Variants in FLNB observed in about 807,000 individuals in gnomAD.
FLNB encodes filamin B.
FLNB carries 111 observed loss-of-function variants against 250.6 expected under a neutral mutation model. The observed-to-expected ratio is 0.44, with a 90% CI of 0.38 to 0.52. The LOEUF is 0.52. Ranked by LOEUF, FLNB falls within the 20% of genes least tolerant of loss-of-function variation. FLNB has a pLI of 0.00. For synonymous variants in FLNB, 1,302 were observed against 1,372.1 expected (o/e 0.95, Z 1.13); for missense variants, 2,869 against 3,447.8 (o/e 0.83, Z 4.20).
chr3:58,113,473 G>C (rs1428231441), intron 18 of FLNB, among the ~76,000 whole-genome samples: 1 of 152,208 alleles, frequency 6.6e-6, no homozygotes, highest in Non-Finnish European at 1.5e-5. Context: ...GGGGAAGAAA[G>C]AGGATTATAG....
In FLNB at chr3:58,070,556, G is replaced by A. The variant is rs2097192717; in HGVS notation, c.293-6490G>A. On this transcript the variant is annotated intron_variant, in intron 1 of 45. Coordinates refer to ENST00000295956, the MANE Select transcript of FLNB (RefSeq NM_001457.4). Reference sequence around the variant, plus strand: ...GGTGGTAGAGATGAGGGGGCAGAGTGCACAGTGCATGGCATCCTGTTCCCC... The same window carrying A: ...GGTGGTAGAGATGAGGGGGCAGAGTACACAGTGCATGGCATCCTGTTCCCC... 2.6e-5 allele frequency among the ~76,000 whole-genome samples: 4 copies of A among 152,088 alleles called. No individual in the cohort carries two copies. In the South Asian group the frequency reaches 8.3e-4, roughly 32 times the overall value.
rs2097288350 is a variant in FLNB at position 58,121,283 on chromosome 3, G to C, written c.2906G>C (p.Arg969Thr). Residue 969 changes from arginine to threonine, a missense_variant, in exon 20 of 46, where the codon AGG becomes ACG. By Grantham distance (71) the Arg-to-Thr change is moderately conservative. This residue lies in a region of FLNB where 1,348 missense variants were observed against 1,466.7 expected (regional missense o/e 0.92). Transcript: ENST00000295956. The part of the protein sequence containing the change: ...GKDQEFTVDT[R>T]GAGGQGKLDV... The stretch of plus-strand genomic sequence containing the variant: ...GATCAGGAGTTCACCGTTGATACCA[G>C]GGGGGCAGGAGGCCAGGGGAAGCTG... 1.2e-6 allele frequency: 2 copies of C among 1,614,036 alleles called. No homozygotes were observed. The highest frequency in any genetic ancestry group is 1.3e-5 in the African/African-American group (1 of 74,910).
chr3:58,160,576 C>T (rs2097359773), intron 42 of FLNB, among the ~76,000 whole-genome samples: 1 of 152,156 alleles, frequency 6.6e-6, no homozygotes, highest in Admixed American at 6.6e-5. Context: ...TCGGTGAGTT[C>T]AGGAGGGCTT....
chr3:58,091,543 C>T (rs1413835498), intron 4 of FLNB, among the ~76,000 whole-genome samples: 2 of 151,824 alleles, frequency 1.3e-5, no homozygotes, highest in Middle Eastern at 3.2e-3. Flanking sequence ...AACTATAAAA[C>T]TTTGAGAAAA....
intron 1 of FLNB, among the ~76,000 whole-genome samples, chr3:58,012,752 A>C (rs1256734124): frequency 1.3e-5 from 2 of 152,178 alleles, no homozygotes; most frequent in African/African-American, 4.8e-5. Context: ...GAGATTTCCT[A>C]CTACCCAATG....
chr3:58,105,367 T>C (rs2097257948), intron 11 of FLNB, 151 bp downstream of exon 11: 3 of 957,742 alleles, frequency 3.1e-6, no homozygotes, highest in Non-Finnish European at 4.9e-6. Flanking sequence ...TGCGTGCTGC[T>C]GTACATTTGC....
chr3:58,144,085 C>G (rs1433766615), intron 32 of FLNB, among the ~76,000 whole-genome samples: 1 of 152,164 alleles, frequency 6.6e-6, no homozygotes, highest in Non-Finnish European at 1.5e-5. Flanking sequence ...GTCACCAGTT[C>G]ATTCTTTCTT....
intron 4 of FLNB, among the ~76,000 whole-genome samples, chr3:58,089,669 A>G (rs2097223054): frequency 6.6e-6 from 1 of 152,250 alleles, no homozygotes; most frequent in African/African-American, 2.4e-5. Flanking sequence ...TTAGGAGATA[A>G]AAAGAACCAA....
rs574434625 is a variant in FLNB at position 58,047,676 on chromosome 3, C to T, written c.293-29370C>T. On this transcript the variant is annotated intron_variant, in intron 1 of 45. Transcript: ENST00000295956. ...GCATCCTCTGCCTCCTGGGTTCAAG[C>T]GATTCTCCTGCCTTAGTCTCCTGAG... 1.1e-3 allele frequency among the ~76,000 whole-genome samples: 164 copies of T among 151,944 alleles called. 8 individuals carry two copies. The South Asian group carries it at 0.031, about 29-fold the overall frequency.
At chr3:58,048,539 C>T (rs1419843601) in intron 1 of FLNB, among the ~76,000 whole-genome samples, 1 of 152,232 alleles carries the variant, frequency 6.6e-6, no homozygotes, top group Non-Finnish European at 1.5e-5. Context: ...ACAGCACAGG[C>T]TCACAATCTC....
intron 42 of FLNB, among the ~76,000 whole-genome samples, chr3:58,161,837 A>G (rs1002308770): frequency 6.6e-6 from 1 of 152,168 alleles, no homozygotes; most frequent in Non-Finnish European, 1.5e-5. Context: ...CCTTCACGCC[A>G]CATCAATTAA....
chr3:58,164,279 G>A lies in FLNB; in HGVS notation c.7198+949G>A, dbSNP rs2097366756. On this transcript the variant is annotated intron_variant, in intron 43 of 45. Coordinates refer to ENST00000295956, the MANE Select transcript of FLNB (RefSeq NM_001457.4). The surrounding 1 kb of genome is among the most constrained non-coding windows in gnomAD (Gnocchi z 4.0). The stretch of plus-strand genomic sequence containing the variant: ...CAGTTATTTGAACAGGTGGCATCGG[G>A]TGGTGCGCAGTGAGTGCGTCACTGT... 1 of 152,298 alleles carries A rather than the reference G, an allele frequency of 6.6e-6. No individual in the cohort carries two copies. Among genetic ancestry groups the A allele is most frequent in the African/African-American group, 2.4e-5 (1 of 41,456 alleles). 9.4% of individuals were successfully genotyped at this position (152,298 alleles called of 1,614,324 possible).
At chr3:58,049,338 T>A (rs1183324598) in intron 1 of FLNB, among the ~76,000 whole-genome samples, 1 of 152,122 alleles carries the variant, frequency 6.6e-6, no homozygotes, top group Non-Finnish European at 1.5e-5. Context: ...CAAAGTGTAG[T>A]GGTATCTCCG....
intron 10 of FLNB, among the ~76,000 whole-genome samples, chr3:58,104,376 G>A (rs377660190): frequency 2.0e-5 from 3 of 152,086 alleles, no homozygotes; most frequent in Non-Finnish European, 2.9e-5. Flanking sequence ...CTAGATGCCC[G>A]CATATAAACT....
chr3:58,051,685 G>GT (rs761191400), intron 1 of FLNB, among the ~76,000 whole-genome samples: 197 of 149,280 alleles, frequency 1.3e-3, no homozygotes, highest in African/African-American at 4.1e-3. Context: ...GTTTTTTTGG[G>GT]TTTTTTTTTT....
In FLNB at chr3:58,081,795, GTGT is replaced by G; in HGVS notation, c.787+23_787+25del. ...GGCAGAGGTGAGTGCTGGTCCTCTG[GTGT>G]TGTATTGGAGACATGTCCTCTGGTG... On this transcript the variant is annotated intron_variant, in intron 4 of 45. Coordinates refer to ENST00000295956, the MANE Select transcript of FLNB (RefSeq NM_001457.4). 6.2e-7 allele frequency: 1 copy of G among 1,613,818 alleles called. No homozygotes were observed. Among genetic ancestry groups the G allele is most frequent in the Non-Finnish European group, 8.5e-7 (1 of 1,179,708 alleles).
rs775414570 is a variant in FLNB at position 58,136,010 on chromosome 3, T to C, written c.4703T>C (p.Val1568Ala). Reference sequence around the variant, plus strand: ...GAAGGAAAACCCAAAAGAGCCATTGTCCATGACAATAAAGATGGCACGTAT... The same window carrying C: ...GAAGGAAAACCCAAAAGAGCCATTGCCCATGACAATAAAGATGGCACGTAT... ...DQEGKPKRAI[V>A]HDNKDGTYAV... is the part of the protein sequence containing the mutation. The change falls in exon 28 of 46, where the codon GTC (valine) becomes GCC (alanine). Residue 1568 changes from valine (V) to alanine (A), a missense_variant. Physicochemically the swap from Val to Ala is moderately conservative, Grantham distance 64. Around this residue, in one of 5 missense-constraint regions of FLNB, gnomAD observed 126 missense variants for 182.0 expected, o/e 0.69. Transcript: ENST00000295956. 1.9e-6 allele frequency: 3 copies of C among 1,614,226 alleles called. No homozygotes were observed. The highest frequency in any genetic ancestry group is 2.5e-6 in the Non-Finnish European group (3 of 1,180,042).
chr3:58,102,383 T>A (rs758574876), intron 9 of FLNB, 43 bp downstream of exon 9: 12 of 1,609,676 alleles, frequency 7.5e-6, no homozygotes, highest in African/African-American at 1.3e-5. Flanking sequence ...TGGTTTTGGC[T>A]AACTTTGCAG....
intron 15 of FLNB, 121 bp downstream of exon 15, chr3:58,109,820 GA>G (rs2097265505): frequency 4.2e-6 from 6 of 1,428,228 alleles, no homozygotes; most frequent in African/African-American, 1.4e-5. Flanking sequence ...ATCATCTACT[GA>G]GCCTCTGAGT....
Sources: gnomAD v4.1 joint callset for allele counts (sites outside exome capture counted in the v4.1 genomes callset) on GRCh38, gnomAD v4.1.1 for gene constraint, gnomAD v4.1.1 regional missense constraint, Gnocchi (gnomAD v3.1) non-coding constraint, MANE v1.5 for transcripts, NCBI Gene and HGNC (gene_info 2026-07-23, HGNC 2026-07-21) for gene names.